The following COL21A1 variants were observed in gnomAD, a reference collection of about 807,000 sequenced individuals.
COL21A1 encodes the protein collagen type XXI alpha 1 chain.
In COL21A1, 149 loss-of-function variants were observed where a neutral mutation model predicts 137.9. The ratio of observed to expected loss-of-function variants is 1.08; its 90% CI spans 0.95 to 1.24. The LOEUF (loss-of-function observed/expected upper bound fraction) is 1.24. COL21A1 is among the 50% of genes most tolerant of loss of function. The pLI, the probability that COL21A1 is intolerant of heterozygous loss-of-function variation, is 0.00. For missense variants in COL21A1, 1,167 were observed against 1,158.4 expected (o/e 1.01, Z -0.11); for synonymous variants, 456 against 391.5 (o/e 1.16, Z -1.95).
intron 3 of COL21A1, among the ~76,000 whole-genome samples, chr6:56,174,970 G>A (rs1303359115): frequency 1.3e-5 from 2 of 151,966 alleles, no homozygotes; most frequent in Non-Finnish European, 2.9e-5. Context: ...GACCAAATGG[G>A]AATTATCCAC....
rs566428552 is a variant in COL21A1 at position 56,274,480 on chromosome 6, C to T, written c.-38-91824G>A. ...TACATAGAAAACTCTAAAGACTTTG[C>T]CAAAAGGCCTAGAACTGACAAATGA... On this transcript the variant is annotated intron_variant, in intron 1 of 28. Coordinates refer to the COL21A1 transcript ENST00000370819. Among the ~76,000 whole-genome samples, 3 of 152,224 alleles carry T rather than the reference C, an allele frequency of 2.0e-5. No individual in the cohort carries two copies. In the South Asian group the frequency reaches 6.2e-4, roughly 32 times the overall value.
At chr6:56,332,392 T>A (rs1765246965) in intron 1 of COL21A1, among the ~76,000 whole-genome samples, 1 of 152,018 alleles carries the variant, frequency 6.6e-6, no homozygotes, top group Non-Finnish European at 1.5e-5. Context: ...GGATCACTAA[T>A]GTGATATAGC....
intron 12 of COL21A1, among the ~76,000 whole-genome samples, chr6:56,141,390 T>C (rs1774396337): frequency 6.6e-6 from 1 of 152,180 alleles, no homozygotes; most frequent in Admixed American, 6.6e-5. Context: ...CTAAAAAATG[T>C]GGCTGAGCCA....
intron 1 of COL21A1, among the ~76,000 whole-genome samples, chr6:56,343,163 A>C (rs1765508556): frequency 1.3e-5 from 2 of 152,138 alleles, no homozygotes; most frequent in South Asian, 4.2e-4. Context: ...TTTCCTTTAA[A>C]AGTAATCACC....
intron 1 of COL21A1, among the ~76,000 whole-genome samples, chr6:56,187,010 T>C (rs111632457): frequency 2.0e-4 from 31 of 152,368 alleles, no homozygotes; most frequent in African/African-American, 4.8e-4. Flanking sequence ...TACTGACTTA[T>C]GTCAGTCTGC....
In COL21A1 at chr6:56,166,944, G is replaced by A. The variant is rs1373984715; in HGVS notation, c.1240C>T (p.Gln414Ter). The A allele has an allele frequency of 1.2e-6, 2 of 1,612,648 alleles. No homozygotes were observed. The highest frequency in any genetic ancestry group is 2.7e-5 in the African/African-American group (2 of 74,868). ...QKLRIYCDPE[Q>*]NNRETACEIP... ...TCACATGCTGTCTCCCGGTTGTTCT[G>A]TTCTGGGTCACAGTAGATTCGCAAC... Residue 414 changes from glutamine (Q) to a stop codon, truncating the protein, a stop_gained, in exon 7 of 30, where the codon CAG (glutamine) becomes TAG (stop). Coordinates refer to ENST00000244728, the MANE Select transcript of COL21A1 (RefSeq NM_030820.4). LOFTEE classifies it high-confidence loss of function.
rs113097592 is a variant in COL21A1, at chr6:56,117,532, A to G, written c.1758+6530T>C. On this transcript the variant is annotated intron_variant, in intron 16 of 29. Coordinates refer to ENST00000244728, the MANE Select transcript of COL21A1 (RefSeq NM_030820.4). Reference sequence around the variant, plus strand: ...TTTCAGCATTGGACAGATTTTCCAGATAGAAAATCAACAAAGAAACATTAG... The same window carrying G: ...TTTCAGCATTGGACAGATTTTCCAGGTAGAAAATCAACAAAGAAACATTAG... Among the ~76,000 whole-genome samples the G allele has an allele frequency of 2.3e-3, 344 of 152,162 alleles. 1 individual carries two copies. Among genetic ancestry groups the G allele is most frequent in the African/African-American group, 8.0e-3 (331 of 41,558 alleles).
chr6:56,060,505 C>A, intron 27 of COL21A1: 1 of 470,648 alleles, frequency 2.1e-6, no homozygotes, highest in Non-Finnish European at 3.7e-6. Context: ...AAAAAATATG[C>A]TACAAAAGAA....
At chr6:56,347,085 CT>C (rs1287469606) in intron 1 of COL21A1, among the ~76,000 whole-genome samples, 1 of 152,172 alleles carries the variant, frequency 6.6e-6, no homozygotes, top group Non-Finnish European at 1.5e-5. Context: ...ACTCAGCTGC[CT>C]TTGCTGCACC....
At chr6:56,154,122 G>A (rs1265945167) in intron 10 of COL21A1, among the ~76,000 whole-genome samples, 1 of 152,062 alleles carries the variant, frequency 6.6e-6, no homozygotes, top group Non-Finnish European at 1.5e-5. Flanking sequence ...CACTTATTGT[G>A]GGAGTGGGTT....
At chr6:56,130,163 T>TTTTATATATA in intron 12 of COL21A1, among the ~76,000 whole-genome samples, 1 of 96,028 alleles carries the variant, frequency 1.0e-5, no homozygotes, top group Non-Finnish European at 2.2e-5. Flanking sequence ...CATGACAGGG[T>TTTTATATATA]TTTATATATA....
intron 10 of COL21A1, among the ~76,000 whole-genome samples, chr6:56,152,185 C>A (rs1015910188): frequency 6.6e-5 from 10 of 152,266 alleles, no homozygotes; most frequent in Admixed American, 4.6e-4. Flanking sequence ...CCTTTTCCAG[C>A]TTCTAGAGGC....
intron 1 of COL21A1, among the ~76,000 whole-genome samples, chr6:56,258,215 C>T (rs1000216951): frequency 6.6e-6 from 1 of 152,032 alleles, no homozygotes; most frequent in Non-Finnish European, 1.5e-5. Context: ...TAAACAACAC[C>T]ATTTTTTTAA....
At chr6:56,284,522 G>T (rs918158366) in intron 1 of COL21A1, among the ~76,000 whole-genome samples, 1 of 152,030 alleles carries the variant, frequency 6.6e-6, no homozygotes, top group Admixed American at 6.6e-5. Context: ...TACTGACTAT[G>T]GCTTTTCATC....
chr6:56,109,676 G>A (rs746011168), intron 16 of COL21A1, among the ~76,000 whole-genome samples: 14 of 151,778 alleles, frequency 9.2e-5, no homozygotes, highest in Non-Finnish European at 2.1e-4. Flanking sequence ...ATAATATCAG[G>A]AATGAAATAA....
rs1273275847 is a variant in COL21A1, at chr6:56,260,615, AAGAG to A, written c.-38-77963_-38-77960del. On this transcript the variant is annotated intron_variant, in intron 1 of 28. Transcript: ENST00000370819. The stretch of plus-strand genomic sequence containing the variant: ...AGAAGAAGAAGAAGAAGAAGAAAGA[AAGAG>A]AGAGAGAGGAAGGAAGGAAGGAAGG... Among the ~76,000 whole-genome samples, 18 of 96,086 alleles carry A rather than the reference AAGAG, an allele frequency of 1.9e-4. 1 individual carries two copies. Among genetic ancestry groups the A allele is most frequent in the South Asian group, 9.9e-4 (3 of 3,036 alleles). 63.0% of individuals were successfully genotyped at this position (96,086 alleles called of 152,430 possible). A position where few individuals can be genotyped will look rare whatever the true frequency, so the allele number is the denominator to read the frequency against.
At chr6:56,361,050 C>A (rs773415509) in intron 1 of COL21A1, among the ~76,000 whole-genome samples, 1 of 152,146 alleles carries the variant, frequency 6.6e-6, no homozygotes, top group African/African-American at 2.4e-5. Flanking sequence ...GCCAAGATTG[C>A]GCCACTGCAC....
chr6:56,202,141 T>G (rs1176140365), intron 1 of COL21A1, among the ~76,000 whole-genome samples: 1 of 151,948 alleles, frequency 6.6e-6, no homozygotes, highest in Non-Finnish European at 1.5e-5. Flanking sequence ...AAGACTGAAG[T>G]TTTTACTCTT....
At chr6:56,147,186 G>T (rs1216682782) in intron 10 of COL21A1, among the ~76,000 whole-genome samples, 1 of 151,980 alleles carries the variant, frequency 6.6e-6, no homozygotes, top group Non-Finnish European at 1.5e-5. Flanking sequence ...TCTAGTAATT[G>T]TGCTTTTCAT....
Sources: gnomAD v4.1 joint callset for allele counts (sites outside exome capture counted in the v4.1 genomes callset) on GRCh38, gnomAD v4.1.1 for gene constraint, MANE v1.5 for transcripts, NCBI Gene and HGNC (gene_info 2026-07-23, HGNC 2026-07-21) for gene names.